FASN: variants seen among roughly 807,000 people sequenced by gnomAD.
The protein encoded by FASN is fatty acid synthase, also known as 3-hydroxyacyl-[acyl-carrier-protein] dehydratase.
FASN carries 50 observed loss-of-function variants against 250.0 expected under a neutral mutation model. That is an observed-to-expected ratio of 0.20 (90% CI 0.16 to 0.25). The LOEUF is 0.25. Among genes scored for constraint, FASN ranks in the 10% least tolerant of loss-of-function variants. FASN has a pLI of 1.00. For synonymous variants in FASN, 1,909 were observed against 1,584.0 expected (o/e 1.21, Z -4.87); for missense variants, 3,031 against 3,498.5 (o/e 0.87, Z 3.37).
chr17:82,092,577 G>A lies in FASN; in HGVS notation c.907C>T (p.Gln303Ter). The A allele has an allele frequency of 6.2e-7, 1 of 1,607,242 alleles. No homozygotes were observed. Among genetic ancestry groups the A allele is most frequent in the Non-Finnish European group, 8.5e-7 (1 of 1,179,616 alleles). Reference sequence around the variant, plus strand: ...GCTCGGGTGATGCCATTCAGCTCCTGGGGGTCGCCCACCTGTGGGAAACAT... The same window carrying A: ...GCTCGGGTGATGCCATTCAGCTCCTAGGGGTCGCCCACCTGTGGGAAACAT... ...HGTGTKVGDP[Q>*]ELNGITRALC... Residue 303 changes from glutamine (Q) to a stop codon, truncating the protein, a stop_gained, in exon 8 of 43, where the codon CAG (glutamine) becomes TAG (stop). Coordinates refer to ENST00000306749, the MANE Select transcript of FASN (RefSeq NM_004104.5). LOFTEE classifies it high-confidence loss of function.
intron 3 of FASN, 119 bp from the exon 4 acceptor site, chr17:82,093,890 G>T: frequency 9.0e-7 from 1 of 1,108,322 alleles, no homozygotes; most frequent in Non-Finnish European, 1.3e-6. Context: ...GGTGAGGGGG[G>T]GTCCATCCCA....
rs371569954 is a variant in FASN at position 82,081,345 on chromosome 17, G to A, written c.6414C>T (p.Arg2138=). The A allele has an allele frequency of 5.1e-6, 8 of 1,558,812 alleles. No homozygotes were observed. The highest frequency in any genetic ancestry group is 1.4e-5 in the African/African-American group (1 of 73,766). The stretch of plus-strand genomic sequence containing the variant: ...TGTCCAGGTTGACAGCAGCCAAGTC[G>A]CGGATGCCTGGAAGGGATGCGCCGG... ...VEAVAHILGI[R]DLAAVNLDSS... Residue 2138 remains arginine (R), a synonymous_variant, in exon 38 of 43, where the codon CGC becomes CGT. Coordinates refer to ENST00000306749, the MANE Select transcript of FASN (RefSeq NM_004104.5).
intron 3 of FASN, 106 bp from the exon 4 acceptor site, chr17:82,093,877 T>G: frequency 8.1e-7 from 1 of 1,234,254 alleles, no homozygotes; most frequent in Non-Finnish European, 1.1e-6. Flanking sequence ...CTCACTGGCT[T>G]GGGGTGAGGG....
intron 39 of FASN, 26 bp from the exon 40 acceptor site, chr17:82,080,616 G>A (rs1483154844): frequency 6.4e-7 from 1 of 1,551,618 alleles, no homozygotes; most frequent in Non-Finnish European, 8.7e-7. Flanking sequence ...CGGGCACTCA[G>A]CATGTGCAGG....
chr17:82,093,868 T>A, intron 3 of FASN, 97 bp from the exon 4 acceptor site: 1 of 1,301,148 alleles, frequency 7.7e-7, no homozygotes, highest in Non-Finnish European at 1.0e-6. Flanking sequence ...CATCTTGGCC[T>A]CACTGGCTTG....
intron 21 of FASN, 39 bp downstream of exon 21, chr17:82,087,011 C>T (rs748571469): frequency 2.9e-5 from 47 of 1,606,302 alleles, no homozygotes; most frequent in Non-Finnish European, 3.5e-5. Context: ...CGCTCCTCAT[C>T]GCCAGAGGTG....
rs531042325 is a variant in FASN, at chr17:82,096,416, G to C, written c.30C>G (p.Ser10=). 27 of 1,612,654 alleles carry C rather than the reference G, an allele frequency of 1.7e-5. No individual in the cohort carries two copies. In the South Asian group the frequency reaches 2.5e-4, roughly 15 times the overall value. The change falls in exon 2 of 43, where the codon TCC becomes TCG. Residue 10 remains serine, a synonymous_variant. Coordinates refer to ENST00000306749, the MANE Select transcript of FASN (RefSeq NM_004104.5). ...AGTTCTCCGACTCTGGCAGCTTCCC[G>C]GACATGCCGGCAATCACCACCTCCT... is the stretch of plus-strand genomic sequence containing the variant. MEEVVIAGM[S]GKLPESENLQ... is the part of the protein sequence containing the mutation.
rs756887866 is a variant in FASN, at chr17:82,089,677, G to A, written c.1920C>T (p.Pro640=). 32 of 1,594,660 alleles carry A rather than the reference G, an allele frequency of 2.0e-5. No individual in the cohort carries two copies. The highest frequency in any genetic ancestry group is 4.0e-5 in the African/African-American group (3 of 74,630). ...CKQRCPPGVV[P]ACHNSKDTVT... ...CTGTGTCCTTGGAGTTGTGGCAGGC[G>A]GGCACCACGCCCGGGGGGCAGCGCT... The change falls in exon 12 of 43, where the codon CCC becomes CCT. Residue 640 remains proline (P), a synonymous_variant. Coordinates refer to ENST00000306749, the MANE Select transcript of FASN (RefSeq NM_004104.5).
Position 82,089,733 on chromosome 17 carries a change from C to G in FASN, c.1871-7G>C. 1 of 1,582,448 alleles carries G rather than the reference C, an allele frequency of 6.3e-7. No individual in the cohort carries two copies. Among genetic ancestry groups the G allele is most frequent in the Non-Finnish European group, 8.6e-7 (1 of 1,165,740 alleles). On this transcript the variant is annotated splice_polypyrimidine_tract_variant and splice_region_variant and intron_variant, in intron 11 of 42. Coordinates refer to ENST00000306749, the MANE Select transcript of FASN (RefSeq NM_004104.5). The stretch of plus-strand genomic sequence containing the variant: ...CACTCCTCCCAGGACAAGCCTATGG[C>G]AGAGCCAGCCTCAGAGGCTTAGCGT...
At chr17:82,095,156 C>T (rs1182373317) in intron 3 of FASN, among the ~76,000 whole-genome samples, 164 bp downstream of exon 3, 1 of 152,232 alleles carries the variant, frequency 6.6e-6, no homozygotes, top group Non-Finnish European at 1.5e-5. Flanking sequence ...CGGCCTACCC[C>T]GTGGCCCACA....
Position 82,083,430 on chromosome 17 carries a change from G to C in FASN, c.5342-5C>G, listed in dbSNP as rs775142461. ...TCTTCAGGAAGATAGCCATGCCTGC[G>C]GGCAGGGGCCGTGCTCACCCAGGGC... On this transcript the variant is annotated splice_region_variant and splice_polypyrimidine_tract_variant and intron_variant, in intron 31 of 42. Coordinates refer to ENST00000306749, the MANE Select transcript of FASN (RefSeq NM_004104.5). 2 of 1,612,548 alleles carry C rather than the reference G, an allele frequency of 1.2e-6. No homozygotes were observed. The highest frequency in any genetic ancestry group is 2.2e-5 in the South Asian group (2 of 91,090).
At position 82,090,990 on chromosome 17, in the gene FASN, A is replaced by C; in HGVS notation, c.1572T>G (p.Asp524Glu). Residue 524 changes from aspartate to glutamate, a missense_variant, in exon 10 of 43, where the codon GAT becomes GAG. Asp to Glu is a conservative substitution (Grantham distance 45). Transcript: ENST00000306749. ...DRFRDSILRS[D>E]EAVKPFGLKV... The stretch of plus-strand genomic sequence containing the variant: ...TCAGGCCGAATGGCTTCACAGCCTC[A>C]TCGGAGCGTAGGATGGAATCTCGGA... 2 of 1,612,858 alleles carry C rather than the reference A, an allele frequency of 1.2e-6. No individual in the cohort carries two copies. The highest frequency in any genetic ancestry group is 1.7e-6 in the Non-Finnish European group (2 of 1,179,986).
Position 82,090,943 on chromosome 17 carries a change from C to T in FASN, c.1619G>A (p.Ser540Asn). The change falls in exon 10 of 43, where the codon AGC becomes AAC. Residue 540 changes from serine (S) to asparagine (N), a missense_variant. Physicochemically the swap from Ser to Asn is conservative, Grantham distance 46. Coordinates refer to ENST00000306749, the MANE Select transcript of FASN (RefSeq NM_004104.5). ...GTCATCAAAGGTGCTCTCGTCTGTG[C>T]TCAGCAGCAGCTGTGACACCTTCAG... ...FGLKVSQLLL[S>N]TDESTFDDIV... 6.2e-7 allele frequency: 1 copy of T among 1,612,662 alleles called. No homozygotes were observed. Among genetic ancestry groups the T allele is most frequent in the Non-Finnish European group, 8.5e-7 (1 of 1,179,876 alleles).
In FASN at chr17:82,091,300, C is replaced by T; in HGVS notation, c.1414G>A (p.Val472Met). ...GGGCCACCGCGCTCACCACCCAGCA[C>T]AGCGTAGCCACGGAAGGGCATGGCG... ...ATAMPFRGYA[V>M]LGGERGGPEV... Residue 472 changes from valine to methionine, a missense_variant, in exon 9 of 43, where the codon GTG becomes ATG. By Grantham distance (21) the Val-to-Met change is conservative. Coordinates refer to ENST00000306749, the MANE Select transcript of FASN (RefSeq NM_004104.5). 4 of 1,610,362 alleles carry T rather than the reference C, an allele frequency of 2.5e-6. No homozygotes were observed. The highest frequency in any genetic ancestry group is 3.4e-6 in the Non-Finnish European group (4 of 1,179,186).
At chr17:82,092,409 C>T (rs1239330281) in intron 8 of FASN, 46 bp downstream of exon 8, 10 of 1,545,416 alleles carry the variant, frequency 6.5e-6, no homozygotes, top group Non-Finnish European at 8.7e-6. Flanking sequence ...CAACCCAGTC[C>T]CAGGGAGCAG....
At position 82,090,536 on chromosome 17, in the gene FASN, A is replaced by G; in HGVS notation, c.1709T>C (p.Met570Thr). Residue 570 changes from methionine to threonine, a missense_variant, in exon 11 of 43, where the codon ATG becomes ACG. By Grantham distance (81) the Met-to-Thr change is moderately conservative. Transcript: ENST00000306749. ...GACGATGCCATCTGGCCTCAGCCCCATGCAGCTCAGCAGGTCTATGAGGCC... is the reference window on the plus strand; with the variant it reads ...GACGATGCCATCTGGCCTCAGCCCCGTGCAGCTCAGCAGGTCTATGAGGCC... ...QIGLIDLLSC[M>T]GLRPDGIVGH... The G allele has an allele frequency of 6.2e-7, 1 of 1,612,056 alleles. No individual in the cohort carries two copies. The highest frequency in any genetic ancestry group is 8.5e-7 in the Non-Finnish European group (1 of 1,179,670).
chr17:82,091,226 G>A lies in FASN; in HGVS notation c.1488C>T (p.Cys496=), dbSNP rs2144802853. ...PAGERPLWFI[C]SGMGTQWRGM... The stretch of plus-strand genomic sequence containing the variant: ...GGGGGCAGAGTGTGGGCTCACCAGA[G>A]CAGATGAACCAGAGCGGGCGCTCGC... Residue 496 remains cysteine, a synonymous_variant, in exon 9 of 43, where the codon TGC becomes TGT. Transcript: ENST00000306749. 1 of 1,601,542 alleles carries A rather than the reference G, an allele frequency of 6.2e-7. No individual in the cohort carries two copies. Among genetic ancestry groups the A allele is most frequent in the Non-Finnish European group, 8.5e-7 (1 of 1,176,018 alleles).
intron 14 of FASN, 31 bp from the exon 15 acceptor site, chr17:82,088,907 G>T: frequency 1.2e-6 from 2 of 1,609,908 alleles, no homozygotes; most frequent in Non-Finnish European, 1.7e-6. Context: ...GGGCTCTCTT[G>T]GTGCTCAGCT....
At position 82,079,415 on chromosome 17, in the gene FASN, C is replaced by T. The variant is rs762839283; in HGVS notation, c.7340G>A (p.Arg2447His). The T allele has an allele frequency of 1.9e-6, 3 of 1,613,072 alleles. No homozygotes were observed. The highest frequency in any genetic ancestry group is 2.5e-6 in the Non-Finnish European group (3 of 1,180,000). The change falls in exon 42 of 43, where the codon CGC (arginine) becomes CAC (histidine). Residue 2447 changes from arginine to histidine, a missense_variant. By Grantham distance (29) the Arg-to-His change is conservative (BLOSUM62 0). Coordinates refer to ENST00000306749, the MANE Select transcript of FASN (RefSeq NM_004104.5). The stretch of plus-strand genomic sequence containing the variant: ...GCCGTAGGCGCCACCCGTCTTGGCG[C>T]GCAGTAGCATCACGTTGCCATGGTA... ...AKYHGNVMLL[R>H]AKTGGAYGED... is the part of the protein sequence containing the mutation.
Sources: allele counts gnomAD v4.1 joint callset (sites outside exome capture counted in the v4.1 genomes callset), GRCh38; gene constraint gnomAD v4.1.1; transcripts MANE v1.5; gene names NCBI Gene and HGNC (gene_info 2026-07-23, HGNC 2026-07-21).